NEXN: variants seen among roughly 807,000 people sequenced by gnomAD.
NEXN encodes nexilin.
A neutral mutation model predicts 92.6 loss-of-function variants in NEXN; 65 were observed. The ratio of observed to expected loss-of-function variants is 0.70; its 90% CI spans 0.57 to 0.86. The LOEUF is 0.86. NEXN is among the 40% of genes least tolerant of loss of function. The pLI is 0.00. For synonymous variants in NEXN, 254 were observed against 242.5 expected (o/e 1.05, Z -0.44); for missense variants, 778 against 771.1 (o/e 1.01, Z -0.11).
intron 11 of NEXN, among the ~76,000 whole-genome samples, chr1:77,936,328 C>T (rs956760567): frequency 1.3e-5 from 2 of 152,254 alleles, no homozygotes; most frequent in African/African-American, 4.8e-5. Context: ...TGGCTCACGC[C>T]TATAATCCCA....
chr1:77,924,401 GT>G (rs1196275466), intron 5 of NEXN, among the ~76,000 whole-genome samples: 2 of 151,888 alleles, frequency 1.3e-5, no homozygotes, highest in African/African-American at 4.8e-5. Context: ...TCACTGCACT[GT>G]TATTGTATCA....
At chr1:77,909,934 C>A (rs1648428543) in intron 1 of NEXN, among the ~76,000 whole-genome samples, 1 of 152,090 alleles carries the variant, frequency 6.6e-6, no homozygotes, top group South Asian at 2.1e-4. Flanking sequence ...ATCATAAATA[C>A]AGATACAAAA....
rs780371936 is a variant in NEXN, at chr1:77,916,114, A to G, written c.8A>G (p.Asp3Gly). The change falls in exon 2 of 13, where the codon GAT (aspartate) becomes GGT (glycine). Residue 3 changes from aspartate (D) to glycine (G), a missense_variant. This residue lies in a region of NEXN where 236 missense variants were observed against 265.6 expected (regional missense o/e 0.89). Transcript: ENST00000334785. ...AGACCACATAGAGCAAACATGAATG[A>G]TATTTCCCAAAAGGCTGAGGTAAGT... MN[D>G]ISQKAEILLS... 1.2e-6 allele frequency: 2 copies of G among 1,607,694 alleles called. No homozygotes were observed. The highest frequency in any genetic ancestry group is 1.7e-6 in the Non-Finnish European group (2 of 1,176,344).
At chr1:77,915,580 A>G (rs1049645970) in intron 1 of NEXN, among the ~76,000 whole-genome samples, 1 of 152,218 alleles carries the variant, frequency 6.6e-6, no homozygotes, top group Non-Finnish European at 1.5e-5. Context: ...AGTGAGCGAG[A>G]TGGCGCCACT....
intron 11 of NEXN, among the ~76,000 whole-genome samples, chr1:77,936,292 C>A (rs1363109664): frequency 6.6e-6 from 1 of 152,092 alleles, no homozygotes; most frequent in Non-Finnish European, 1.5e-5. Flanking sequence ...CAAAAATGTT[C>A]AAAAATATTT....
intron 5 of NEXN, among the ~76,000 whole-genome samples, chr1:77,924,776 C>G (rs201277603): frequency 3.0e-4 from 46 of 152,186 alleles, no homozygotes; most frequent in East Asian, 1.2e-3. Context: ...CCTCCTGCCT[C>G]AGCCTCCAGA....
chr1:77,938,741 G>GT (rs1651000493), intron 11 of NEXN, among the ~76,000 whole-genome samples: 1 of 152,144 alleles, frequency 6.6e-6, no homozygotes, highest in Admixed American at 6.5e-5. Context: ...GACATTTAAG[G>GT]TGAGTGTGAA....
At position 77,933,269 on chromosome 1, in the gene NEXN, T is replaced by C; in HGVS notation, c.1054-13T>C. The C allele has an allele frequency of 1.3e-6, 2 of 1,487,248 alleles. No homozygotes were observed. The highest frequency in any genetic ancestry group is 1.9e-6 in the Non-Finnish European group (2 of 1,070,994). 92.1% of individuals were successfully genotyped at this position (1,487,248 alleles called of 1,614,324 possible). A position where few individuals can be genotyped will look rare whatever the true frequency, so the allele number is the denominator to read the frequency against. On this transcript the variant is annotated splice_polypyrimidine_tract_variant and intron_variant, in intron 9 of 12. Transcript: ENST00000334785. The stretch of plus-strand genomic sequence containing the variant: ...AATTCTGGCCAGAGTGATAAAATAA[T>C]TATTTTAAATAGGTAGTAGATGATG...
At chr1:77,912,378 T>A (rs1421287127) in intron 1 of NEXN, among the ~76,000 whole-genome samples, 1 of 152,150 alleles carries the variant, frequency 6.6e-6, no homozygotes, top group Non-Finnish European at 1.5e-5. Context: ...TCTCCCTAGA[T>A]CCATCTACAG....
chr1:77,929,408 G>A lies in NEXN; in HGVS notation c.957G>A (p.Arg319=). Reference sequence around the variant, plus strand: ...AACTCAGTTTTGAAGAAATGGAAAGGCAAAGAAGAGAAGATGAAAAAAGGA... The same window carrying A: ...AACTCAGTTTTGAAGAAATGGAAAGACAAAGAAGAGAAGATGAAAAAAGGA... ...KLKLSFEEME[R]QRREDEKRKA... Residue 319 remains arginine, a synonymous_variant, in exon 9 of 13, where the codon AGG becomes AGA. Coordinates refer to ENST00000334785, the MANE Select transcript of NEXN (RefSeq NM_144573.4). The A allele has an allele frequency of 6.2e-7, 1 of 1,613,804 alleles. No homozygotes were observed. Among genetic ancestry groups the A allele is most frequent in the Non-Finnish European group, 8.5e-7 (1 of 1,179,866 alleles).
chr1:77,935,790 CA>C (rs749795214), intron 10 of NEXN, 32 bp from the exon 11 acceptor site: 6 of 1,579,616 alleles, frequency 3.8e-6, no homozygotes, highest in African/African-American at 1.3e-5. Flanking sequence ...CTCTCAAAAA[CA>C]GCAGCAACAA....
rs188910442 is a variant in NEXN, at chr1:77,920,555, A to G, written c.447+2282A>G. 6.3e-3 allele frequency among the ~76,000 whole-genome samples: 900 copies of G among 143,390 alleles called. 11 individuals carry two copies. The highest frequency in any genetic ancestry group is 0.021 in the African/African-American group (832 of 39,082). The allele number at this position is 143,390 out of a possible 152,430, so 94.1% of individuals were successfully genotyped here. On this transcript the variant is annotated intron_variant, in intron 5 of 12. Coordinates refer to ENST00000334785, the MANE Select transcript of NEXN (RefSeq NM_144573.4). ...AGGACTGCTTGAGCCCAGGAGTTTC[A>G]GGATGCAGTGAGCTATGATAATTTC...
intron 11 of NEXN, among the ~76,000 whole-genome samples, chr1:77,940,374 A>G (rs898714257): frequency 6.6e-6 from 1 of 152,188 alleles, no homozygotes; most frequent in Non-Finnish European, 1.5e-5. Flanking sequence ...AATACCATTT[A>G]TATTACTATC....
intron 1 of NEXN, among the ~76,000 whole-genome samples, chr1:77,912,251 G>T (rs900351804): frequency 4.6e-5 from 7 of 152,190 alleles, no homozygotes; most frequent in Admixed American, 3.3e-4. Flanking sequence ...AAAAGATGTG[G>T]AAGATCTGCA....
intron 1 of NEXN, among the ~76,000 whole-genome samples, chr1:77,915,632 CA>C (rs1648915605): frequency 6.6e-6 from 1 of 151,916 alleles, no homozygotes; most frequent in African/African-American, 2.4e-5. Flanking sequence ...CATCTCAAAA[CA>C]AAAACAAAAA....
Position 77,942,586 on chromosome 1 carries a change from C to T in NEXN, c.1785C>T (p.Asp595=), listed in dbSNP as rs182998780. 6.8e-5 allele frequency: 110 copies of T among 1,613,802 alleles called. No homozygotes were observed. The African/African-American group carries it at 1.1e-3, about 16-fold the overall frequency. The change falls in exon 13 of 13, where the codon GAC becomes GAT. Residue 595 remains aspartate (D), a synonymous_variant. Coordinates refer to ENST00000334785, the MANE Select transcript of NEXN (RefSeq NM_144573.4). ...KKPLKNTSVV[D]SEPVRFTVKV... is the part of the protein sequence containing the mutation. ...CTCTTAAAAACACATCAGTTGTAGA[C>T]AGTGAGCCAGTCAGATTTACGGTTA... is the stretch of plus-strand genomic sequence containing the variant.
chr1:77,918,411 C>A, intron 5 of NEXN, 138 bp downstream of exon 5: 1 of 1,020,396 alleles, frequency 9.8e-7, no homozygotes, highest in Non-Finnish European at 1.5e-6. Context: ...GGAATGGTGG[C>A]TCACCTCTGT....
intron 1 of NEXN, among the ~76,000 whole-genome samples, chr1:77,910,762 A>AAAAAAAAAAAAAC (rs1557968907): frequency 1.5e-5 from 2 of 135,358 alleles, no homozygotes; most frequent in Non-Finnish European, 3.1e-5. Context: ...AAAAAAAAAA[A>AAAAAAAAAAAAAC]AAAAAAAAAC....
At chr1:77,923,181 T>G (rs1273395756) in intron 5 of NEXN, among the ~76,000 whole-genome samples, 1 of 140,258 alleles carries the variant, frequency 7.1e-6, no homozygotes, top group Non-Finnish European at 1.6e-5. Flanking sequence ...TTTTTTTTTG[T>G]AGAGAGAGGG....
Sources: allele counts gnomAD v4.1 joint callset (sites outside exome capture counted in the v4.1 genomes callset), GRCh38; gene constraint gnomAD v4.1.1; regional missense constraint gnomAD v4.1.1; transcripts MANE v1.5; gene names NCBI Gene and HGNC (gene_info 2026-07-23, HGNC 2026-07-21).